PCNX2: variants seen among roughly 807,000 people sequenced by gnomAD.
The protein encoded by PCNX2 is pecanex-like protein 2.
PCNX2 carries 168 observed loss-of-function variants against 223.8 expected under a neutral mutation model. The ratio of observed to expected loss-of-function variants is 0.75; its 90% CI spans 0.66 to 0.85. The LOEUF (loss-of-function observed/expected upper bound fraction) is 0.85. Among genes scored for constraint, PCNX2 ranks in the 40% least tolerant of loss-of-function variants. The pLI, the probability that PCNX2 is intolerant of heterozygous loss-of-function variation, is 0.00. For missense variants in PCNX2, 2,507 were observed against 2,675.5 expected (o/e 0.94, Z 1.39); for synonymous variants, 1,006 against 1,052.6 (o/e 0.96, Z 0.86).
Position 233,259,127 on chromosome 1 carries a change from A to AGGT in PCNX2, c.734_735insACC (p.Gly245_Gly246insPro). The AGGT allele has an allele frequency of 4.3e-6, 7 of 1,613,704 alleles. No individual in the cohort carries two copies. The highest frequency in any genetic ancestry group is 5.9e-6 in the Non-Finnish European group (7 of 1,179,852). On this transcript the variant is annotated inframe_insertion, in exon 5 of 34. Transcript: ENST00000258229. Reference sequence around the variant, plus strand: ...TCAAGGGTCCCTTATCCACTAAGCCACCCTCGGATCTGTGGCGCAAAGGAG... The same window carrying AGGT: ...TCAAGGGTCCCTTATCCACTAAGCCAGGTCCCTCGGATCTGTGGCGCAAAGGAG...
chr1:233,145,682 C>T (rs1677402439), intron 19 of PCNX2, among the ~76,000 whole-genome samples: 1 of 152,100 alleles, frequency 6.6e-6, no homozygotes, highest in Non-Finnish European at 1.5e-5. Context: ...TTTGAAGCAT[C>T]ATTCTGGTAG....
At chr1:233,202,676 C>T (rs1285554070) in intron 13 of PCNX2, among the ~76,000 whole-genome samples, 2 of 152,112 alleles carry the variant, frequency 1.3e-5, no homozygotes, top group Non-Finnish European at 2.9e-5. Context: ...GAGTACAATC[C>T]AGTGATTTGT....
Position 233,135,084 on chromosome 1 carries a change from G to A in PCNX2, c.3766C>T (p.His1256Tyr), listed in dbSNP as rs747982688. The A allele has an allele frequency of 5.6e-6, 9 of 1,612,762 alleles. No individual in the cohort carries two copies. In the South Asian group the frequency reaches 8.8e-5, roughly 16 times the overall value. ...INLSFTVIFF[H>Y]FDYKDISESF... ...TCTGAAATATCTTTGTAGTCAAAGTGGAAAAAGATGACAGTGAAGCTCAAG... is the reference window on the plus strand; with the variant it reads ...TCTGAAATATCTTTGTAGTCAAAGTAGAAAAAGATGACAGTGAAGCTCAAG... Residue 1256 changes from histidine to tyrosine, a missense_variant, in exon 21 of 34, where the codon CAC becomes TAC. Physicochemically the swap from His to Tyr is moderately conservative, Grantham distance 83. Coordinates refer to ENST00000258229, the MANE Select transcript of PCNX2 (RefSeq NM_014801.4).
intron 10 of PCNX2, among the ~76,000 whole-genome samples, chr1:233,223,829 T>C (rs1347743513): frequency 6.6e-6 from 1 of 152,206 alleles, no homozygotes; most frequent in Admixed American, 6.5e-5. Context: ...TAGTTTAGTT[T>C]GAGAAGCATG....
intron 13 of PCNX2, 96 bp from the exon 14 acceptor site, chr1:233,200,360 C>T: frequency 1.4e-6 from 1 of 724,438 alleles, no homozygotes; most frequent in East Asian, 3.4e-5. Context: ...CAAACCACCC[C>T]ACCCAGGAAT....
At position 233,262,064 on chromosome 1, in the gene PCNX2, T is replaced by C; in HGVS notation, c.461A>G (p.His154Arg). 2 of 1,613,282 alleles carry C rather than the reference T, an allele frequency of 1.2e-6. No individual in the cohort carries two copies. The highest frequency in any genetic ancestry group is 1.7e-6 in the Non-Finnish European group (2 of 1,179,306). ...CSSRGQSITS[H>R]HSSGPLELSA... ...ACTAACCAATGGCCCAGAAGAGTGA[T>C]GAGAGGTTATGCTTTGCCCTCTGGA... The change falls in exon 3 of 34, where the codon CAT becomes CGT. Residue 154 changes from histidine (H) to arginine (R), a missense_variant. By Grantham distance (29) the His-to-Arg change is conservative. This residue lies in a region of PCNX2 where 1,031 missense variants were observed against 1,021.7 expected (regional missense o/e 1.01). Transcript: ENST00000258229.
In PCNX2 at chr1:233,295,416, C is replaced by A; in HGVS notation, c.63G>T (p.Trp21Cys). The A allele has an allele frequency of 1.3e-6, 2 of 1,552,612 alleles. No homozygotes were observed. The highest frequency in any genetic ancestry group is 1.7e-6 in the Non-Finnish European group (2 of 1,147,616). The change falls in exon 1 of 34, where the codon TGG becomes TGT. Residue 21 changes from tryptophan to cysteine, a missense_variant. Around this residue, in one of 3 missense-constraint regions of PCNX2, gnomAD observed 1,031 missense variants for 1,021.7 expected, o/e 1.01. Transcript: ENST00000258229. The surrounding 1 kb of genome is among the most constrained non-coding windows in gnomAD (Gnocchi z 4.1). Reference sequence around the variant, plus strand: ...ACTTGCTCTGCTCCGGGTCGTGGTACCAGCCCCCGGTGAGCGCGGCCCACA... The same window carrying A: ...ACTTGCTCTGCTCCGGGTCGTGGTAACAGCCCCCGGTGAGCGCGGCCCACA... ...QGVWAALTGG[W>C]YHDPEQSKFT...
intron 1 of PCNX2, chr1:233,289,054 C>A: frequency 8.6e-7 from 1 of 1,162,654 alleles, no homozygotes. Flanking sequence ...AAGACCAAGT[C>A]CTCAAGGATG....
chr1:233,189,750 C>T (rs1680312113), intron 15 of PCNX2, among the ~76,000 whole-genome samples: 1 of 152,096 alleles, frequency 6.6e-6, no homozygotes, highest in Admixed American at 6.6e-5. Flanking sequence ...TGTGCTTCAA[C>T]CTCTGGATCC....
intron 1 of PCNX2, among the ~76,000 whole-genome samples, chr1:233,283,126 G>A (rs1369676381): frequency 1.1e-5 from 1 of 91,746 alleles, no homozygotes; most frequent in African/African-American, 3.1e-5. Flanking sequence ...TATATTTTAG[G>A]ACTGAGCAAA....
At chr1:233,268,963 CAAGTA>C (rs950103346) in intron 1 of PCNX2, among the ~76,000 whole-genome samples, 2 of 152,162 alleles carry the variant, frequency 1.3e-5, no homozygotes, top group African/African-American at 4.8e-5. Flanking sequence ...TGTCAGGCCC[CAAGTA>C]AAGAGGCCCA....
chr1:233,074,594 CAAAAAAAAAAAAA>C (rs531631109), intron 23 of PCNX2, among the ~76,000 whole-genome samples: 83 of 47,712 alleles, frequency 1.7e-3, no homozygotes, highest in East Asian at 9.8e-3. Flanking sequence ...GACTCCGTCT[CAAAAAAAAAAAAA>C]AAAAAAAAAA....
intron 12 of PCNX2, chr1:233,211,806 A>T (rs957236037): frequency 2.3e-5 from 23 of 985,270 alleles, no homozygotes; most frequent in Non-Finnish European, 2.8e-5. Context: ...ACAGAATGTG[A>T]ACATTACTCA....
intron 15 of PCNX2, among the ~76,000 whole-genome samples, chr1:233,180,075 G>C (rs1314630990): frequency 6.6e-6 from 1 of 152,184 alleles, no homozygotes; most frequent in Non-Finnish European, 1.5e-5. Flanking sequence ...TCTGCATAGA[G>C]CACCCTTTCT....
chr1:233,192,369 T>C (rs1441091851), intron 15 of PCNX2, among the ~76,000 whole-genome samples: 1 of 152,122 alleles, frequency 6.6e-6, no homozygotes, highest in African/African-American at 2.4e-5. Flanking sequence ...TTAAGAGAAG[T>C]AGGAGAATCA....
At chr1:233,202,924 C>T (rs1234056303) in intron 13 of PCNX2, among the ~76,000 whole-genome samples, 1 of 152,172 alleles carries the variant, frequency 6.6e-6, no homozygotes, top group Non-Finnish European at 1.5e-5. Flanking sequence ...TGCCAGAGAA[C>T]TCATTTCACT....
chr1:233,002,974 C>T (rs2102799858), intron 28 of PCNX2, among the ~76,000 whole-genome samples: 1 of 152,258 alleles, frequency 6.6e-6, no homozygotes, highest in South Asian at 2.1e-4. Flanking sequence ...GAAACTGGAC[C>T]CCTTCCTTAC....
Position 233,233,067 on chromosome 1 carries a change from C to T in PCNX2, c.2358+3778G>A, listed in dbSNP as rs1658165223. ...CTATGCTGCCCTTGGGTAGACTGCA[C>T]CTGCCTCTCAACCAGCAGTGTAATA... On this transcript the variant is annotated intron_variant, in intron 9 of 33. Transcript: ENST00000258229. The T allele has an allele frequency of 6.2e-6, 6 of 972,342 alleles. No homozygotes were observed. The South Asian group carries it at 2.4e-4, about 39-fold the overall frequency. The allele number at this position is 972,342 out of a possible 1,614,324, so 60.2% of individuals were successfully genotyped here.
intron 1 of PCNX2, among the ~76,000 whole-genome samples, chr1:233,272,500 T>C (rs1660693250): frequency 6.6e-6 from 1 of 151,994 alleles, no homozygotes; most frequent in Non-Finnish European, 1.5e-5. Context: ...ATAATAGGTG[T>C]TGTCAGGGAT....
Sources: gnomAD v4.1 joint callset for allele counts (sites outside exome capture counted in the v4.1 genomes callset) on GRCh38, gnomAD v4.1.1 for gene constraint, gnomAD v4.1.1 regional missense constraint, Gnocchi (gnomAD v3.1) non-coding constraint, MANE v1.5 for transcripts, NCBI Gene and HGNC (gene_info 2026-07-23, HGNC 2026-07-21) for gene names.